CDK14: variants seen among roughly 807,000 people sequenced by gnomAD.
CDK14 encodes the protein cyclin-dependent kinase 14.
A neutral mutation model predicts 60.7 loss-of-function variants in CDK14; 34 were observed. That is an observed-to-expected ratio of 0.56 (90% CI 0.43 to 0.75). The LOEUF is 0.75. CDK14 is among the 30% of genes least tolerant of loss of function. CDK14 has a pLI of 0.00. For missense variants in CDK14, 482 were observed against 564.1 expected (o/e 0.85, Z 1.47); for synonymous variants, 197 against 203.7 (o/e 0.97, Z 0.28).
At chr7:90,903,672 C>G (rs1223345217) in intron 7 of CDK14, among the ~76,000 whole-genome samples, 1 of 151,940 alleles carries the variant, frequency 6.6e-6, no homozygotes, top group Non-Finnish European at 1.5e-5. Flanking sequence ...CAATAGTTAA[C>G]AACAATACAT....
chr7:90,969,532 A>AT (rs1380645017), intron 9 of CDK14, among the ~76,000 whole-genome samples: 1 of 152,202 alleles, frequency 6.6e-6, no homozygotes, highest in Admixed American at 6.5e-5. Context: ...GGATTAATAC[A>AT]TTTGCAGAGA....
chr7:90,665,928 T>A (rs1312071676), intron 2 of CDK14, among the ~76,000 whole-genome samples: 3 of 152,186 alleles, frequency 2.0e-5, no homozygotes, highest in Non-Finnish European at 4.4e-5. Context: ...GTACACCTAT[T>A]TTGGGACACC....
intron 12 of CDK14, among the ~76,000 whole-genome samples, chr7:91,090,895 C>G (rs1255247365): frequency 6.6e-6 from 1 of 151,982 alleles, no homozygotes; most frequent in Non-Finnish European, 1.5e-5. Flanking sequence ...CTGTTTGTAT[C>G]TAGTGTTCCT....
In CDK14 at chr7:90,806,142, T is replaced by A. The variant is rs75361021; in HGVS notation, c.544+15490T>A. On this transcript the variant is annotated intron_variant, in intron 5 of 14. Transcript: ENST00000380050. ...ATATACACAAATTTCAACTCAAAAT[T>A]GATCAAAGACCTCAGTGTAGGAGAT... 4.9e-3 allele frequency among the ~76,000 whole-genome samples: 746 copies of A among 152,272 alleles called. 3 individuals are homozygous for A. The highest frequency in any genetic ancestry group is 0.016 in the African/African-American group (674 of 41,546).
chr7:90,645,984 C>T (rs900083924), intron 2 of CDK14, among the ~76,000 whole-genome samples: 1 of 152,208 alleles, frequency 6.6e-6, no homozygotes, highest in Non-Finnish European at 1.5e-5. Context: ...AAAATCACAA[C>T]TGACATTTAT....
At chr7:91,028,748 G>A (rs1796676215) in intron 10 of CDK14, among the ~76,000 whole-genome samples, 1 of 152,048 alleles carries the variant, frequency 6.6e-6, no homozygotes, top group African/African-American at 2.4e-5. Context: ...GTCTATTCAT[G>A]TTGTTTGTCC....
intron 7 of CDK14, among the ~76,000 whole-genome samples, chr7:90,916,138 A>T (rs1793073493): frequency 6.6e-6 from 1 of 152,180 alleles, no homozygotes; most frequent in South Asian, 2.1e-4. Context: ...CTAAAGGAGT[A>T]TGAATTTTCT....
intron 2 of CDK14, among the ~76,000 whole-genome samples, chr7:90,701,583 A>AT (rs1224738232): frequency 6.6e-6 from 1 of 152,184 alleles, no homozygotes; most frequent in African/African-American, 2.4e-5. Flanking sequence ...AAAACAAGAC[A>AT]TCTATTAAGT....
At chr7:90,765,414 A>G (rs1804512060) in intron 4 of CDK14, among the ~76,000 whole-genome samples, 1 of 152,178 alleles carries the variant, frequency 6.6e-6, no homozygotes, top group Non-Finnish European at 1.5e-5. Context: ...CAGACCACCA[A>G]TATTTAGAGC....
intron 7 of CDK14, among the ~76,000 whole-genome samples, chr7:90,907,699 A>G (rs1792756357): frequency 6.6e-6 from 1 of 152,156 alleles, no homozygotes; most frequent in Non-Finnish European, 1.5e-5. Context: ...TCCTATTGGC[A>G]TAAAGCTGAT....
At chr7:90,916,833 C>A (rs1297350960) in intron 7 of CDK14, among the ~76,000 whole-genome samples, 1 of 152,128 alleles carries the variant, frequency 6.6e-6, no homozygotes, top group Non-Finnish European at 1.5e-5. Context: ...AAAATAGAAA[C>A]ATTTGGTATG....
intron 11 of CDK14, 125 bp downstream of exon 11, chr7:91,046,085 G>T: frequency 1.6e-6 from 1 of 634,444 alleles, no homozygotes; most frequent in Non-Finnish European, 2.9e-6. Context: ...TGTGTACTTT[G>T]TCTATTAATG....
intron 6 of CDK14, among the ~76,000 whole-genome samples, chr7:90,866,139 A>G (rs1260494265): frequency 6.6e-6 from 1 of 151,946 alleles, no homozygotes; most frequent in Non-Finnish European, 1.5e-5. Context: ...TTCAATTACA[A>G]AATGTGTTTT....
intron 8 of CDK14, among the ~76,000 whole-genome samples, chr7:90,948,795 A>G (rs1406928995): frequency 6.6e-6 from 1 of 152,248 alleles, no homozygotes; most frequent in Non-Finnish European, 1.5e-5. Context: ...TAGAAAGCTT[A>G]AGTCACTTAA....
chr7:90,736,863 C>G lies in CDK14; in HGVS notation c.369+10051C>G, dbSNP rs147004008. On this transcript the variant is annotated intron_variant, in intron 3 of 14. Coordinates refer to ENST00000380050, the MANE Select transcript of CDK14 (RefSeq NM_001287135.2). ...CATACAGGCCATTATATATTAGGAG[C>G]CTTGACTGAAATCAAGGAACCAAGA... Among the ~76,000 whole-genome samples, 24 of 152,214 alleles carry G rather than the reference C, an allele frequency of 1.6e-4. No homozygotes were observed. The East Asian group carries it at 4.2e-3, about 27-fold the overall frequency.
chr7:91,112,737 G>T, intron 13 of CDK14, 56 bp downstream of exon 13: 1 of 1,582,508 alleles, frequency 6.3e-7, no homozygotes, highest in Non-Finnish European at 8.6e-7. Flanking sequence ...TTTTATTTTG[G>T]CATCTGTATG....
At position 90,726,671 on chromosome 7, in the gene CDK14, A is replaced by G; in HGVS notation, c.228A>G (p.Thr76=). 6.2e-7 allele frequency: 1 copy of G among 1,613,942 alleles called. No individual in the cohort carries two copies. The highest frequency in any genetic ancestry group is 8.5e-7 in the Non-Finnish European group (1 of 1,179,850). Residue 76 remains threonine (T), a synonymous_variant, in exon 3 of 15, where the codon ACA becomes ACG. Transcript: ENST00000380050. ...PEDKKVRVQR[T]QSTFDPFEKP... ...ATAAAAAAGTCAGAGTTCAGAGGACACAGAGCACTTTTGACCCATTTGAGA... is the reference window on the plus strand; with the variant it reads ...ATAAAAAAGTCAGAGTTCAGAGGACGCAGAGCACTTTTGACCCATTTGAGA...
In CDK14 at chr7:91,102,617, T is replaced by TA. The variant is rs34219319; in HGVS notation, c.1155-9913dup. On this transcript the variant is annotated intron_variant, in intron 12 of 14. Coordinates refer to ENST00000380050, the MANE Select transcript of CDK14 (RefSeq NM_001287135.2). The stretch of plus-strand genomic sequence containing the variant: ...GAGGGAGTCTTTTAGAACTATAGTG[T>TA]AAAAAAAAAAAACCCTAAATCAAAA... 2.9e-3 allele frequency among the ~76,000 whole-genome samples: 399 copies of TA among 139,998 alleles called. 4 individuals carry two copies. The highest frequency in any genetic ancestry group is 0.022 in the South Asian group (97 of 4,452). 91.8% of individuals were successfully genotyped at this position (139,998 alleles called of 152,430 possible). A position where few individuals can be genotyped will look rare whatever the true frequency, so the allele number is the denominator to read the frequency against.
intron 8 of CDK14, among the ~76,000 whole-genome samples, chr7:90,943,884 C>CA (rs1794013678): frequency 6.6e-6 from 1 of 151,984 alleles, no homozygotes; most frequent in Non-Finnish European, 1.5e-5. Context: ...AAATTTGGTC[C>CA]CTAGTGTGGC....
Sources: gnomAD v4.1 joint callset for allele counts (sites outside exome capture counted in the v4.1 genomes callset) on GRCh38, gnomAD v4.1.1 for gene constraint, MANE v1.5 for transcripts, NCBI Gene and HGNC (gene_info 2026-07-23, HGNC 2026-07-21) for gene names.